Variants in HEPACAM observed in about 807,000 individuals in gnomAD.
HEPACAM encodes the protein hepatocyte cell adhesion molecule.
Under a neutral mutation model 38.3 loss-of-function variants are expected in HEPACAM, and 18 were observed. The observed-to-expected ratio is 0.47, with a 90% CI of 0.33 to 0.70. The LOEUF is 0.70. Among genes scored for constraint, HEPACAM ranks in the 30% least tolerant of loss-of-function variants. The pLI is 0.03. For missense variants in HEPACAM, 466 were observed against 563.0 expected (o/e 0.83, Z 1.74); for synonymous variants, 216 against 243.1 (o/e 0.89, Z 1.04).
intron 1 of HEPACAM, among the ~76,000 whole-genome samples, chr11:124,930,960 T>A (rs1947275113): frequency 6.6e-6 from 1 of 152,144 alleles, no homozygotes; most frequent in Non-Finnish European, 1.5e-5. Flanking sequence ...GACACGAAAG[T>A]GGTAACCATC....
chr11:124,927,446 G>A (rs1221812384), intron 1 of HEPACAM, among the ~76,000 whole-genome samples: 1 of 147,706 alleles, frequency 6.8e-6, no homozygotes, highest in Non-Finnish European at 1.5e-5. Context: ...AGGATCCAGC[G>A]ATCCTCCCAC....
In HEPACAM at chr11:124,922,771, T is replaced by C. The variant is rs77759828; in HGVS notation, c.851A>G (p.Gln284Arg). 3,969 of 1,614,242 alleles carry C rather than the reference T, an allele frequency of 2.5e-3. 101 individuals are homozygous for C. In the East Asian group the frequency reaches 0.071, roughly 29 times the overall value. Residue 284 changes from glutamine (Q) to arginine (R), a missense_variant, in exon 5 of 7, where the codon CAG becomes CGG. By Grantham distance (43) the Gln-to-Arg change is conservative. Coordinates refer to ENST00000298251, the MANE Select transcript of HEPACAM (RefSeq NM_152722.5). The part of the protein sequence containing the change: ...EKQNSLEYMD[Q>R]NDDRLKPEAD... ...TTCTGGTTTCAGGCGGTCATCATTC[T>C]GATCCATGTATTCCAGGGAGTTTTG...
chr11:124,935,856 C>A, intron 1 of HEPACAM, 66 bp downstream of exon 1: 1 of 1,395,640 alleles, frequency 7.2e-7, no homozygotes, highest in Non-Finnish European at 1.0e-6. Context: ...CTCCACTCTC[C>A]CCTCCGTCTG....
intron 1 of HEPACAM, among the ~76,000 whole-genome samples, chr11:124,929,580 G>A (rs1328859512): frequency 6.6e-6 from 1 of 152,168 alleles, no homozygotes; most frequent in Non-Finnish European, 1.5e-5. Context: ...TCAACCTTGA[G>A]AAGTGATTAA....
chr11:124,920,954 A>G lies in HEPACAM; in HGVS notation c.*184T>C. 7.3e-7 allele frequency: 1 copy of G among 1,367,508 alleles called. No individual in the cohort carries two copies. Among genetic ancestry groups the G allele is most frequent in the Non-Finnish European group, 9.4e-7 (1 of 1,064,214 alleles). 84.7% of individuals were successfully genotyped at this position (1,367,508 alleles called of 1,614,324 possible). ...TGCGACCCGGTTTCACCATATCAACACTGCCGCCTCCGCGCACCCGCCTCC... is the reference window on the plus strand; with the variant it reads ...TGCGACCCGGTTTCACCATATCAACGCTGCCGCCTCCGCGCACCCGCCTCC... On this transcript the variant is annotated 3_prime_UTR_variant, in exon 7 of 7. Transcript: ENST00000298251.
intron 1 of HEPACAM, among the ~76,000 whole-genome samples, chr11:124,932,326 T>C (rs1429557449): frequency 6.6e-6 from 1 of 152,128 alleles, no homozygotes; most frequent in Non-Finnish European, 1.5e-5. Context: ...CCCTAGAGGA[T>C]GGAATAGTTC....
At position 124,923,413 on chromosome 11, in the gene HEPACAM, T is replaced by C. The variant is rs1565338363; in HGVS notation, c.730A>G (p.Ile244Val). 6.2e-7 allele frequency: 1 copy of C among 1,611,996 alleles called. No homozygotes were observed. The highest frequency in any genetic ancestry group is 1.7e-4 in the Middle Eastern group (1 of 6,058). ...AGGAAGATGCCTCCTGTAGACAAGA[T>C]GATGTAAAGGGAGCTTCTTCCTAGG... Reference protein sequence around the residue: ...TVYRRSSLYIILSTGGIFLLV... With the variant: ...TVYRRSSLYIVLSTGGIFLLV... The change falls in exon 4 of 7, where the codon ATC (isoleucine) becomes GTC (valine). Residue 244 changes from isoleucine to valine, a missense_variant. Transcript: ENST00000298251.
At chr11:124,927,884 C>T (rs1170784757) in intron 1 of HEPACAM, among the ~76,000 whole-genome samples, 1 of 151,956 alleles carries the variant, frequency 6.6e-6, no homozygotes, top group Non-Finnish European at 1.5e-5. Context: ...GAGCAAGACT[C>T]TCTCTCAAAA....
In HEPACAM at chr11:124,921,583, T is replaced by C; in HGVS notation, c.949-143A>G. On this transcript the variant is annotated intron_variant, in intron 6 of 6. Coordinates refer to ENST00000298251, the MANE Select transcript of HEPACAM (RefSeq NM_152722.5). This position sits in a 1 kb window ranked among gnomAD's most constrained non-coding sequence, Gnocchi z 4.6. ...CCTCCTGGAAGGCTGCAGACAGGTCTGGTTTTCCTGGCGATATTCCACACT... is the reference window on the plus strand; with the variant it reads ...CCTCCTGGAAGGCTGCAGACAGGTCCGGTTTTCCTGGCGATATTCCACACT... 2 of 452,994 alleles carry C rather than the reference T, an allele frequency of 4.4e-6. No individual in the cohort carries two copies. The highest frequency in any genetic ancestry group is 3.6e-6 in the Non-Finnish European group (1 of 277,576). The allele number at this position is 452,994 out of a possible 1,614,324, so 28.1% of individuals were successfully genotyped here. A position where few individuals can be genotyped will look rare whatever the true frequency, so the allele number is the denominator to read the frequency against.
chr11:124,930,829 T>C (rs1367408318), intron 1 of HEPACAM, among the ~76,000 whole-genome samples: 1 of 152,178 alleles, frequency 6.6e-6, no homozygotes, highest in Non-Finnish European at 1.5e-5. Flanking sequence ...ACCTCACACC[T>C]TACACAAATA....
In HEPACAM at chr11:124,919,534, T is replaced by C; in HGVS notation, c.*1604A>G. The C allele has an allele frequency of 1.7e-6, 1 of 588,000 alleles. No homozygotes were observed. Among genetic ancestry groups the C allele is most frequent in the South Asian group, 2.2e-5 (1 of 45,518 alleles). 36.4% of individuals were successfully genotyped at this position (588,000 alleles called of 1,614,324 possible). A position where few individuals can be genotyped will look rare whatever the true frequency, so the allele number is the denominator to read the frequency against. ...AAGTCCTGCTGCCTCTTCCACCTTC[T>C]TGAGAAACTTTTCCCCTACATGCAT... is the stretch of plus-strand genomic sequence containing the variant. On this transcript the variant is annotated 3_prime_UTR_variant, in exon 7 of 7. Transcript: ENST00000298251.
At chr11:124,929,422 C>A (rs1056799315) in intron 1 of HEPACAM, among the ~76,000 whole-genome samples, 1 of 152,118 alleles carries the variant, frequency 6.6e-6, no homozygotes, top group African/African-American at 2.4e-5. Context: ...CCCAAAAACT[C>A]TAGCCAAAAT....
In HEPACAM at chr11:124,923,426, G is replaced by C; in HGVS notation, c.717C>G (p.Ser239Arg). ...LPVKITVYRRSSLYIILSTGG... is the reference protein window; with the variant it reads ...LPVKITVYRRRSLYIILSTGG... ...CTGTAGACAAGATGATGTAAAGGGA[G>C]CTTCTTCCTAGGGAGAGAGAGAAGC... The change falls in exon 4 of 7, where the codon AGC becomes AGG. Residue 239 changes from serine to arginine, a missense_variant. By Grantham distance (110) the Ser-to-Arg change is moderately radical. Transcript: ENST00000298251. The C allele has an allele frequency of 6.2e-7, 1 of 1,608,274 alleles. No individual in the cohort carries two copies. Among genetic ancestry groups the C allele is most frequent in the Non-Finnish European group, 8.5e-7 (1 of 1,174,898 alleles).
Position 124,921,526 on chromosome 11 carries a change from G to C in HEPACAM, c.949-86C>G. The C allele has an allele frequency of 1.1e-6, 1 of 891,390 alleles. No individual in the cohort carries two copies. The highest frequency in any genetic ancestry group is 5.6e-5 in the South Asian group (1 of 17,836). The allele number at this position is 891,390 out of a possible 1,614,324, so 55.2% of individuals were successfully genotyped here. ...GTGTTAGAGCTTGCTGGAATTCCGA[G>C]GGGAGGGACCTAGTTTCCCTCTGCA... On this transcript the variant is annotated intron_variant, in intron 6 of 6. Coordinates refer to ENST00000298251, the MANE Select transcript of HEPACAM (RefSeq NM_152722.5). The surrounding 1 kb of genome is among the most constrained non-coding windows in gnomAD (Gnocchi z 4.6).
chr11:124,919,898 A>G lies in HEPACAM; in HGVS notation c.*1240T>C. The G allele has an allele frequency of 6.2e-7, 1 of 1,614,092 alleles. No homozygotes were observed. The highest frequency in any genetic ancestry group is 8.5e-7 in the Non-Finnish European group (1 of 1,180,028). On this transcript the variant is annotated 3_prime_UTR_variant, in exon 7 of 7. Transcript: ENST00000298251. Reference sequence around the variant, plus strand: ...GGCCTCCTTCTCTTTCAGCTTTTTAATTGCCCTCTCTCCTCACACAGTAGA... The same window carrying G: ...GGCCTCCTTCTCTTTCAGCTTTTTAGTTGCCCTCTCTCCTCACACAGTAGA...
Position 124,923,781 on chromosome 11 carries a change from C to T in HEPACAM, c.657G>A (p.Val219=), listed in dbSNP as rs1947170663. 2 of 1,614,194 alleles carry T rather than the reference C, an allele frequency of 1.2e-6. No individual in the cohort carries two copies. Among genetic ancestry groups the T allele is most frequent in the East Asian group, 4.5e-5 (2 of 44,884 alleles). ...MEDDDLYSCM[V]ENPISQGRSL... ...TGCGGCCCTGGCTGATGGGGTTCTC[C>T]ACCATGCAGCTGTACAGGTCGTCAT... Residue 219 remains valine, a synonymous_variant, in exon 3 of 7, where the codon GTG becomes GTA. Transcript: ENST00000298251.
chr11:124,928,952 G>A, intron 1 of HEPACAM, among the ~76,000 whole-genome samples: 1 of 152,178 alleles, frequency 6.6e-6, no homozygotes, highest in East Asian at 1.9e-4. Flanking sequence ...TAAATTAACT[G>A]ACACCTGTCT....
At chr11:124,932,087 T>C (rs1328827733) in intron 1 of HEPACAM, among the ~76,000 whole-genome samples, 1 of 152,184 alleles carries the variant, frequency 6.6e-6, no homozygotes, top group Non-Finnish European at 1.5e-5. Context: ...ACTGAGATAG[T>C]ATGAGGGTGA....
intron 1 of HEPACAM, among the ~76,000 whole-genome samples, chr11:124,927,636 T>C (rs1291409488): frequency 6.6e-6 from 1 of 151,876 alleles, no homozygotes; most frequent in Non-Finnish European, 1.5e-5. Context: ...CCCAAAGTGC[T>C]GGGATTACAG....
Sources: gnomAD v4.1 joint callset for allele counts (sites outside exome capture counted in the v4.1 genomes callset) on GRCh38, gnomAD v4.1.1 for gene constraint, Gnocchi (gnomAD v3.1) non-coding constraint, MANE v1.5 for transcripts, NCBI Gene and HGNC (gene_info 2026-07-23, HGNC 2026-07-21) for gene names.